The following ZNF385D variants were observed in gnomAD, a reference collection of about 807,000 sequenced individuals.
ZNF385D encodes zinc finger protein 385D.
A neutral mutation model predicts 35.8 loss-of-function variants in ZNF385D; 15 were observed. The observed-to-expected ratio is 0.42, with a 90% CI of 0.28 to 0.64. The LOEUF is 0.64. Among genes scored for constraint, ZNF385D ranks in the 30% least tolerant of loss-of-function variants. The pLI is 0.23. For missense variants in ZNF385D, 474 were observed against 494.6 expected (o/e 0.96, Z 0.39); for synonymous variants, 212 against 186.8 (o/e 1.13, Z -1.10).
At chr3:21,983,158 TA>T (rs1694596397) in intron 3 of ZNF385D, among the ~76,000 whole-genome samples, 2 of 75,350 alleles carry the variant, frequency 2.7e-5, no homozygotes, top group South Asian at 3.4e-4. Flanking sequence ...TATTTTATTT[TA>T]TTTTATTATT....
intron 2 of ZNF385D, among the ~76,000 whole-genome samples, chr3:22,184,634 T>G (rs1434167630): frequency 6.6e-6 from 1 of 152,120 alleles, no homozygotes; most frequent in Non-Finnish European, 1.5e-5. Flanking sequence ...GAGACCAGAC[T>G]GTCCAACATG....
rs1202217874 is a variant in ZNF385D, at chr3:22,185,495, G to A, written c.107-16460C>T. On this transcript the variant is annotated intron_variant, in intron 2 of 5. Coordinates refer to the ZNF385D transcript ENST00000494108. ...TCACTTTTTCTTTCTTTTTGAGATGGAGTCTCACTCTGTCGTCCAGGCTGG... is the reference window on the plus strand; with the variant it reads ...TCACTTTTTCTTTCTTTTTGAGATGAAGTCTCACTCTGTCGTCCAGGCTGG... 3.9e-5 allele frequency among the ~76,000 whole-genome samples: 6 copies of A among 151,992 alleles called. 1 individual carries two copies. The highest frequency in any genetic ancestry group is 3.3e-4 in the Admixed American group (5 of 15,220).
At chr3:22,017,060 T>C (rs191313459) in intron 3 of ZNF385D, among the ~76,000 whole-genome samples, 5 of 152,170 alleles carry the variant, frequency 3.3e-5, no homozygotes, top group African/African-American at 1.2e-4. Context: ...TTTCAAATGT[T>C]ATGTTATAAA....
intron 2 of ZNF385D, among the ~76,000 whole-genome samples, chr3:22,180,860 G>C (rs1227065837): frequency 6.7e-6 from 1 of 148,700 alleles, no homozygotes; most frequent in Non-Finnish European, 1.5e-5. Flanking sequence ...AGGCTAAGAG[G>C]AGAATTGTGA....
At chr3:22,219,054 AAAG>A (rs1417226000) in intron 2 of ZNF385D, among the ~76,000 whole-genome samples, 1 of 152,144 alleles carries the variant, frequency 6.6e-6, no homozygotes, top group Non-Finnish European at 1.5e-5. Context: ...CTTAAACTAC[AAAG>A]AAGGCAAATC....
At chr3:22,125,650 G>C (rs765053598) in intron 3 of ZNF385D, among the ~76,000 whole-genome samples, 3 of 151,748 alleles carry the variant, frequency 2.0e-5, no homozygotes, top group Non-Finnish European at 4.4e-5. Context: ...CACATTTTTG[G>C]TTAAGTTTAT....
Position 22,336,230 on chromosome 3 carries a change from G to A in ZNF385D, c.106+36220C>T, listed in dbSNP as rs117855524. ...AATTCCAGAAATTTTAAACAAAGCC[G>A]CATTCCATTATGATATAATGTTAAG... On this transcript the variant is annotated intron_variant, in intron 2 of 5. Coordinates refer to the ZNF385D transcript ENST00000494108. Among the ~76,000 whole-genome samples, 899 of 152,140 alleles carry A rather than the reference G, an allele frequency of 5.9e-3. 36 individuals are homozygous for A. The highest frequency in any genetic ancestry group is 0.051 in the Admixed American group (782 of 15,288).
At chr3:22,094,348 G>A (rs201436424) in intron 3 of ZNF385D, among the ~76,000 whole-genome samples, 2 of 88,986 alleles carry the variant, frequency 2.2e-5, no homozygotes, top group East Asian at 3.1e-4. Context: ...TCAGAAATGT[G>A]CAGGCATTTT....
chr3:22,111,702 A>G (rs1202308079), intron 3 of ZNF385D, among the ~76,000 whole-genome samples: 1 of 152,174 alleles, frequency 6.6e-6, no homozygotes, highest in East Asian at 1.9e-4. Context: ...AAATCATAAA[A>G]AAGTAGAAGA....
chr3:22,115,629 C>A (rs1702767186), intron 3 of ZNF385D, among the ~76,000 whole-genome samples: 1 of 151,998 alleles, frequency 6.6e-6, no homozygotes, highest in South Asian at 2.1e-4. Flanking sequence ...AGACATTTTA[C>A]TGGAGTTGAA....
At chr3:22,235,789 C>A (rs1699145027) in intron 2 of ZNF385D, among the ~76,000 whole-genome samples, 1 of 152,076 alleles carries the variant, frequency 6.6e-6, no homozygotes, top group Admixed American at 6.6e-5. Context: ...AAAACAAATT[C>A]TCACATAGTC....
chr3:21,931,434 A>G (rs775091197), intron 3 of ZNF385D, among the ~76,000 whole-genome samples: 1 of 152,222 alleles, frequency 6.6e-6, no homozygotes, highest in African/African-American at 2.4e-5. Context: ...CAGCAGTTAC[A>G]TTCCTAGATA....
chr3:22,119,518 TC>T (rs1702976784), intron 3 of ZNF385D, among the ~76,000 whole-genome samples: 2 of 152,284 alleles, frequency 1.3e-5, no homozygotes, highest in East Asian at 3.9e-4. Flanking sequence ...CTCTACTTTT[TC>T]AACTGGTTTT....
At chr3:21,893,340 A>C (rs924405209) in intron 3 of ZNF385D, among the ~76,000 whole-genome samples, 3 of 152,164 alleles carry the variant, frequency 2.0e-5, no homozygotes, top group African/African-American at 7.2e-5. Context: ...CAAAATGTAA[A>C]ACATGGTAAA....
At chr3:21,456,761 G>C (rs1472384049) in intron 4 of ZNF385D, among the ~76,000 whole-genome samples, 8 of 150,294 alleles carry the variant, frequency 5.3e-5, no homozygotes, top group African/African-American at 1.7e-4. Context: ...AATTAAAAAA[G>C]AGAAACTTTG....
At chr3:22,023,191 G>A (rs1318034969) in intron 3 of ZNF385D, among the ~76,000 whole-genome samples, 2 of 152,128 alleles carry the variant, frequency 1.3e-5, no homozygotes, top group African/African-American at 2.4e-5. Flanking sequence ...AGAAGGAGCA[G>A]TCAAATGAGA....
At chr3:21,886,043 A>G (rs1211225127) in intron 3 of ZNF385D, among the ~76,000 whole-genome samples, 1 of 152,114 alleles carries the variant, frequency 6.6e-6, no homozygotes, top group African/African-American at 2.4e-5. Context: ...ATCCAGAATA[A>G]TGTTTGACCA....
chr3:22,261,408 G>A (rs564078224), intron 2 of ZNF385D, among the ~76,000 whole-genome samples: 53 of 152,084 alleles, frequency 3.5e-4, no homozygotes, highest in African/African-American at 1.2e-3. Flanking sequence ...GCTTGGTAAG[G>A]CTAGTAAATA....
chr3:21,812,968 A>G (rs1381857117), intron 3 of ZNF385D, among the ~76,000 whole-genome samples: 1 of 152,136 alleles, frequency 6.6e-6, no homozygotes, highest in Non-Finnish European at 1.5e-5. Flanking sequence ...GACACCTCAT[A>G]CAGCTGGGTG....
Sources: gnomAD v4.1 joint callset for allele counts (sites outside exome capture counted in the v4.1 genomes callset) on GRCh38, gnomAD v4.1.1 for gene constraint, MANE v1.5 for transcripts, NCBI Gene and HGNC (gene_info 2026-07-23, HGNC 2026-07-21) for gene names.